The following KCNIP4 variants were observed in gnomAD, a reference collection of about 807,000 sequenced individuals.
The protein encoded by KCNIP4 is Kv channel-interacting protein 4.
Under a neutral mutation model 34.0 loss-of-function variants are expected in KCNIP4, and 12 were observed. The ratio of observed to expected loss-of-function variants is 0.35; its 90% CI spans 0.23 to 0.57. The LOEUF (loss-of-function observed/expected upper bound fraction) is 0.57. KCNIP4 is among the 20% of genes least tolerant of loss of function. The probability of loss-of-function intolerance (pLI) is 0.83; values close to 1 mark genes in which losing one functional copy is unlikely to be tolerated. For synonymous variants in KCNIP4, 124 were observed against 102.2 expected, an observed-to-expected ratio of 1.21 and a Z score of -1.29; for missense variants, 238 against 311.7, an observed-to-expected ratio of 0.76 and a Z score of 1.78.
chr4:20,878,020 T>C (rs1353929358), intron 2 of KCNIP4, among the ~76,000 whole-genome samples: 1 of 151,934 alleles, frequency 6.6e-6, no homozygotes, highest in Non-Finnish European at 1.5e-5. Flanking sequence ...CAGCTACTAC[T>C]CTAGACCTAT....
At chr4:21,070,508 T>G (rs78800194) in intron 1 of KCNIP4, among the ~76,000 whole-genome samples, 1,763 of 152,134 alleles carry the variant, frequency 0.012, 39 homozygotes, top group African/African-American at 0.04. Flanking sequence ...GATATCTCAT[T>G]GTCATCTTAA....
At chr4:21,467,534 G>C (rs367971080) in intron 1 of KCNIP4, among the ~76,000 whole-genome samples, 1 of 152,078 alleles carries the variant, frequency 6.6e-6, no homozygotes, top group African/African-American at 2.4e-5. Flanking sequence ...AACCAAGGCC[G>C]TCTCCCTCTG....
intron 1 of KCNIP4, among the ~76,000 whole-genome samples, chr4:21,589,675 C>A (rs991070908): frequency 1.3e-5 from 2 of 151,844 alleles, no homozygotes; most frequent in Non-Finnish European, 2.9e-5. Flanking sequence ...TCCTTTAATT[C>A]TCTCTTATAG....
chr4:20,949,638 G>A lies in KCNIP4; in HGVS notation c.62-66929C>T, dbSNP rs1440181594. Among the ~76,000 whole-genome samples, 4 of 152,078 alleles carry A rather than the reference G, an allele frequency of 2.6e-5. No homozygotes were observed. In the East Asian group the frequency reaches 7.7e-4, roughly 29 times the overall value. On this transcript the variant is annotated intron_variant, in intron 1 of 8. Transcript: ENST00000382152. ...GTCCAACAATGATAGACTGGATTAA[G>A]AAAATGTGGCACATATACAGCATGG... is the stretch of plus-strand genomic sequence containing the variant.
At chr4:21,914,776 C>T (rs546825345) in intron 1 of KCNIP4, among the ~76,000 whole-genome samples, 1 of 152,146 alleles carries the variant, frequency 6.6e-6, no homozygotes, top group East Asian at 1.9e-4. Flanking sequence ...GGAGAGTCAC[C>T]GCTGAGCTCC....
intron 1 of KCNIP4, among the ~76,000 whole-genome samples, chr4:21,426,803 T>C (rs1015271505): frequency 5.3e-5 from 8 of 152,166 alleles, no homozygotes; most frequent in African/African-American, 1.9e-4. Context: ...TAATTTTTTC[T>C]CCATTGTTTC....
chr4:21,787,424 C>T (rs928621138), intron 1 of KCNIP4, among the ~76,000 whole-genome samples: 13 of 152,308 alleles, frequency 8.5e-5, no homozygotes, highest in Middle Eastern at 6.8e-3. Context: ...CTGGTCTCTC[C>T]AACTAGGGTT....
Position 21,605,396 on chromosome 4 carries a change from T to C in KCNIP4, c.61+343175A>G, listed in dbSNP as rs115552340. 1.2e-3 allele frequency among the ~76,000 whole-genome samples: 186 copies of C among 152,338 alleles called. 1 individual carries two copies. Among genetic ancestry groups the C allele is most frequent in the African/African-American group, 4.3e-3 (178 of 41,580 alleles). ...GTCCTTATTGAGGATCATTGGATGC[T>C]TCATTCTTGTGCCTTGCTCTGTCAT... On this transcript the variant is annotated intron_variant, in intron 1 of 8. Coordinates refer to ENST00000382152, the MANE Select transcript of KCNIP4 (RefSeq NM_025221.6).
intron 1 of KCNIP4, among the ~76,000 whole-genome samples, chr4:21,347,637 G>T (rs1717583423): frequency 6.6e-6 from 1 of 152,198 alleles, no homozygotes; most frequent in African/African-American, 2.4e-5. Context: ...ACAGGCATCT[G>T]CAGAATATGG....
At chr4:21,547,155 A>G (rs183679573) in intron 1 of KCNIP4, among the ~76,000 whole-genome samples, 31 of 152,150 alleles carry the variant, frequency 2.0e-4, no homozygotes, top group Middle Eastern at 3.4e-3. Context: ...TGTTCAACTG[A>G]GTCTCCCAGC....
At chr4:21,885,382 G>A (rs1414729314) in intron 1 of KCNIP4, among the ~76,000 whole-genome samples, 1 of 152,072 alleles carries the variant, frequency 6.6e-6, no homozygotes, top group Non-Finnish European at 1.5e-5. Flanking sequence ...TAGTAAATGA[G>A]TAGTATTTTG....
At chr4:21,291,020 A>C (rs1038319076) in intron 1 of KCNIP4, among the ~76,000 whole-genome samples, 6 of 152,208 alleles carry the variant, frequency 3.9e-5, no homozygotes, top group Non-Finnish European at 7.3e-5. Context: ...AATTTGCCTG[A>C]GATCACACAG....
intron 1 of KCNIP4, among the ~76,000 whole-genome samples, chr4:21,359,769 A>G (rs1022881949): frequency 2.0e-5 from 3 of 152,086 alleles, no homozygotes; most frequent in Non-Finnish European, 4.4e-5. Context: ...ACACAGTGAA[A>G]TAGTGTTCTT....
intron 1 of KCNIP4, among the ~76,000 whole-genome samples, chr4:21,290,987 G>A (rs1763418755): frequency 2.6e-5 from 4 of 152,176 alleles, no homozygotes; most frequent in Admixed American, 2.6e-4. Flanking sequence ...TATAGAAGAA[G>A]TAGAGGCTCA....
At chr4:21,014,950 C>A (rs1041353354) in intron 1 of KCNIP4, among the ~76,000 whole-genome samples, 7 of 152,130 alleles carry the variant, frequency 4.6e-5, no homozygotes, top group African/African-American at 1.7e-4. Context: ...GAATGAAATT[C>A]TGACATATGC....
At chr4:21,119,099 G>A (rs1457157327) in intron 1 of KCNIP4, among the ~76,000 whole-genome samples, 1 of 152,078 alleles carries the variant, frequency 6.6e-6, no homozygotes, top group Non-Finnish European at 1.5e-5. Context: ...TGTCATGGTT[G>A]AATACTCAGT....
At position 21,930,709 on chromosome 4, in the gene KCNIP4, A is replaced by G. The variant is rs1729516787; in HGVS notation, c.61+17862T>C. On this transcript the variant is annotated intron_variant, in intron 1 of 8. Coordinates refer to ENST00000382152, the MANE Select transcript of KCNIP4 (RefSeq NM_025221.6). ...ATAAATCTCAACACAGTTTTTTAAG[A>G]TCCCTTTGGGATGTCATTTCCTTCT... 2.0e-5 allele frequency among the ~76,000 whole-genome samples: 3 copies of G among 152,108 alleles called. No individual in the cohort carries two copies. The South Asian group carries it at 6.2e-4, about 31-fold the overall frequency.
At chr4:21,743,930 C>T (rs1034149443) in intron 1 of KCNIP4, among the ~76,000 whole-genome samples, 2 of 151,512 alleles carry the variant, frequency 1.3e-5, no homozygotes, top group South Asian at 2.1e-4. Flanking sequence ...TAAAGTAATG[C>T]TTTGCCTGAT....
intron 1 of KCNIP4, among the ~76,000 whole-genome samples, chr4:21,181,258 CATTTGATTAAGTGTCCTTG>C (rs1312089852): frequency 6.6e-6 from 1 of 151,898 alleles, no homozygotes; most frequent in Non-Finnish European, 1.5e-5. Flanking sequence ...CACTTAATAT[CATTTGATTAAGTGTCCTTG>C]ATTTGATTAA....
Sources: gnomAD v4.1 joint callset for allele counts (sites outside exome capture counted in the v4.1 genomes callset) on GRCh38, gnomAD v4.1.1 for gene constraint, MANE v1.5 for transcripts, NCBI Gene and HGNC (gene_info 2026-07-23, HGNC 2026-07-21) for gene names.